NDUFS2: variants seen among roughly 807,000 people sequenced by gnomAD.
NDUFS2 encodes the protein NADH dehydrogenase [ubiquinone] iron-sulfur protein 2, mitochondrial.
In NDUFS2, 38 loss-of-function variants were observed where a neutral mutation model predicts 69.6. That is an observed-to-expected ratio of 0.55 (90% CI 0.42 to 0.72). NDUFS2 has a LOEUF of 0.72. Among genes scored for constraint, NDUFS2 ranks in the 30% least tolerant of loss-of-function variants. The probability of loss-of-function intolerance (pLI) is 0.00; values close to 1 mark genes in which losing one functional copy is unlikely to be tolerated. For synonymous variants in NDUFS2, 194 were observed against 211.2 expected (o/e 0.92, Z 0.70); for missense variants, 468 against 595.0 (o/e 0.79, Z 2.22).
chr1:161,208,267 A>T (rs1665585335), intron 3 of NDUFS2, among the ~76,000 whole-genome samples: 1 of 151,384 alleles, frequency 6.6e-6, no homozygotes, highest in African/African-American at 2.4e-5. Flanking sequence ...TACAGGTGTG[A>T]GCCACCGCGC....
At position 161,210,676 on chromosome 1, in the gene NDUFS2, GT is replaced by G. The variant is rs765638348; in HGVS notation, c.954del (p.Pro319LeufsTer23). ...TGTTTACGACCAGGTTGAGTTTGAT[GT>G]TCCTGTTGGTTCTCGAGGGGACTGC... ...YDVYDQVEFD[V>X]PVGSRGDCYD... On this transcript the variant is annotated frameshift_variant, in exon 9 of 14. Coordinates refer to ENST00000676972, the MANE Select transcript of NDUFS2 (RefSeq NM_001377299.1). LOFTEE classifies it high-confidence loss of function. The G allele has an allele frequency of 6.2e-7, 1 of 1,614,122 alleles. No homozygotes were observed. The highest frequency in any genetic ancestry group is 8.5e-7 in the Non-Finnish European group (1 of 1,180,006).
chr1:161,211,547 G>C (rs973534027), intron 9 of NDUFS2, among the ~76,000 whole-genome samples: 2 of 152,158 alleles, frequency 1.3e-5, no homozygotes, highest in Non-Finnish European at 2.9e-5. Flanking sequence ...CTACTTGGGA[G>C]GCTGAGGAAG....
At chr1:161,203,332 C>T in intron 1 of NDUFS2, 105 bp from the exon 2 acceptor site, 1 of 978,250 alleles carries the variant, frequency 1.0e-6, no homozygotes, top group Non-Finnish European at 1.6e-6. Context: ...CAAAACAAAA[C>T]AAAAAAACAG....
Position 161,209,609 on chromosome 1 carries a change from GA to G in NDUFS2, c.627+17del. On this transcript the variant is annotated intron_variant, in intron 5 of 13. Transcript: ENST00000676972. ...GAAAGGGAGAAGGTAAGAGTGGGAG[GA>G]AAGGATAGGAATAGGGAAGGAAGTG... 1 of 1,588,926 alleles carries G rather than the reference GA, an allele frequency of 6.3e-7. No homozygotes were observed. The highest frequency in any genetic ancestry group is 8.6e-7 in the Non-Finnish European group (1 of 1,163,660).
intron 3 of NDUFS2, among the ~76,000 whole-genome samples, chr1:161,207,159 G>C (rs1194440347): frequency 6.6e-6 from 1 of 152,206 alleles, no homozygotes; most frequent in East Asian, 1.9e-4. Context: ...ATGAAGAAAG[G>C]TCCTGATAAC....
chr1:161,200,009 C>T (rs77673874), upstream of NDUFS2, among the ~76,000 whole-genome samples: 405 of 152,092 alleles, frequency 2.7e-3, 1 homozygote, highest in African/African-American at 9.4e-3. Flanking sequence ...AGTCAGCCAG[C>T]CCCCAGCATA....
At position 161,209,254 on chromosome 1, in the gene NDUFS2, C is replaced by G. The variant is rs1208857257; in HGVS notation, c.455C>G (p.Ser152Cys). Residue 152 changes from serine to cysteine, a missense_variant, in exon 4 of 14, where the codon TCT (serine) becomes TGT (cysteine). Transcript: ENST00000676972. ...ATGATGTGTAACGAACAGGCCTATT[C>G]TCTAGCTGTGGAGAAGTTGCTAAAC... is the stretch of plus-strand genomic sequence containing the variant. The part of the protein sequence containing the change: ...VSMMCNEQAY[S>C]LAVEKLLNIR... 6.2e-7 allele frequency: 1 copy of G among 1,614,062 alleles called. No individual in the cohort carries two copies. The highest frequency in any genetic ancestry group is 2.2e-5 in the East Asian group (1 of 44,888).
upstream of NDUFS2, chr1:161,198,635 G>A (rs1211187406): frequency 2.0e-6 from 3 of 1,498,454 alleles, no homozygotes; most frequent in Non-Finnish European, 2.7e-6. The surrounding 1 kb of genome is among the most constrained non-coding windows in gnomAD (Gnocchi z 4.7). Context: ...CATGGCACTG[G>A]TACTGCAGCT....
intron 10 of NDUFS2, 46 bp from the exon 11 acceptor site, chr1:161,213,334 A>G: frequency 7.5e-7 from 1 of 1,334,034 alleles, no homozygotes; most frequent in Non-Finnish European, 1.1e-6. Flanking sequence ...CCTAGGAGAC[A>G]GAGTTTGGAT....
At chr1:161,207,097 A>G (rs1218870015) in intron 3 of NDUFS2, among the ~76,000 whole-genome samples, 1 of 152,216 alleles carries the variant, frequency 6.6e-6, no homozygotes, top group East Asian at 1.9e-4. Flanking sequence ...TGAAGGTCAG[A>G]TTTGAAGGAG....
At chr1:161,213,342 G>T (rs763952393) in intron 10 of NDUFS2, 38 bp from the exon 11 acceptor site, 1 of 1,426,816 alleles carries the variant, frequency 7.0e-7, no homozygotes, top group South Asian at 1.2e-5. Flanking sequence ...ACAGAGTTTG[G>T]ATATGGTTTA....
At chr1:161,198,155 GC>G, upstream of NDUFS2, 1 of 1,614,002 alleles carries the variant, frequency 6.2e-7, no homozygotes, top group Non-Finnish European at 8.5e-7. This position sits in a 1 kb window ranked among gnomAD's most constrained non-coding sequence, Gnocchi z 4.7. Flanking sequence ...GTGGAGTTCA[GC>G]CCCCCGATAT....
chr1:161,197,931 T>C, upstream of NDUFS2: 1 of 1,507,100 alleles, frequency 6.6e-7, no homozygotes, highest in Non-Finnish European at 8.9e-7. Flanking sequence ...AGAGGGTGAA[T>C]AGGGGTCAGT....
upstream of NDUFS2, chr1:161,197,990 C>A: frequency 1.3e-6 from 2 of 1,550,250 alleles, no homozygotes; most frequent in Non-Finnish European, 1.7e-6. Flanking sequence ...TCCAGAGATG[C>A]CTACCTTGGC....
chr1:161,213,608 C>T, intron 11 of NDUFS2, 41 bp from the exon 12 acceptor site: 7 of 1,601,492 alleles, frequency 4.4e-6, no homozygotes, highest in Non-Finnish European at 6.0e-6. Context: ...GAAAAATACT[C>T]TTCATGTTAA....
At chr1:161,206,684 G>C in intron 3 of NDUFS2, 87 bp downstream of exon 3, 1 of 1,408,192 alleles carries the variant, frequency 7.1e-7, no homozygotes, top group Non-Finnish European at 9.8e-7. Context: ...TAAAACGTGA[G>C]GGGAGGAAGG....
At chr1:161,210,562 G>A (rs764295342) in intron 8 of NDUFS2, 29 bp from the exon 9 acceptor site, 3 of 1,614,032 alleles carry the variant, frequency 1.9e-6, no homozygotes, top group Non-Finnish European at 2.5e-6. Context: ...TGTGGAGAGT[G>A]GCCCTTATTC....
At position 161,210,154 on chromosome 1, in the gene NDUFS2, A is replaced by G; in HGVS notation, c.746A>G (p.Lys249Arg). Residue 249 changes from lysine (K) to arginine (R), a missense_variant, in exon 7 of 14, where the codon AAG (lysine) becomes AGG (arginine). This residue lies in a region of NDUFS2 where 339 missense variants were observed against 433.8 expected (regional missense o/e 0.78). Transcript: ENST00000676972. ...GLMDDIYQFS[K>R]NFSLRLDELE... The stretch of plus-strand genomic sequence containing the variant: ...ATGGATGACATTTATCAGTTTTCTA[A>G]GAACTTCTCTCTTCGGCTTGATGAG... The G allele has an allele frequency of 3.7e-6, 6 of 1,614,202 alleles. No homozygotes were observed. Among genetic ancestry groups the G allele is most frequent in the Non-Finnish European group, 5.1e-6 (6 of 1,180,034 alleles).
chr1:161,209,861 T>C lies in NDUFS2; in HGVS notation c.632T>C (p.Phe211Ser). Residue 211 changes from phenylalanine (F) to serine (S), a missense_variant, in exon 6 of 14, where the codon TTT (phenylalanine) becomes TCT (serine). This residue lies in a region of NDUFS2 where 339 missense variants were observed against 433.8 expected (regional missense o/e 0.78). Coordinates refer to ENST00000676972, the MANE Select transcript of NDUFS2 (RefSeq NM_001377299.1). ...TTCCCAGCACGTTCTATGAAGATGTTTGAGTTCTACGAGCGAGTGTCTGGA... is the reference window on the plus strand; with the variant it reads ...TTCCCAGCACGTTCTATGAAGATGTCTGAGTTCTACGAGCGAGTGTCTGGA... ...FWLFEEREKM[F>S]EFYERVSGAR... 1 of 1,613,974 alleles carries C rather than the reference T, an allele frequency of 6.2e-7. No individual in the cohort carries two copies. Among genetic ancestry groups the C allele is most frequent in the South Asian group, 1.1e-5 (1 of 91,054 alleles).
Sources: gnomAD v4.1 joint callset for allele counts (sites outside exome capture counted in the v4.1 genomes callset) on GRCh38, gnomAD v4.1.1 for gene constraint, gnomAD v4.1.1 regional missense constraint, Gnocchi (gnomAD v3.1) non-coding constraint, MANE v1.5 for transcripts, NCBI Gene and HGNC (gene_info 2026-07-23, HGNC 2026-07-21) for gene names.